Variants in DENND4C observed in about 807,000 individuals in gnomAD.
DENND4C encodes DENN domain-containing protein 4C.
Under a neutral mutation model 203.0 loss-of-function variants are expected in DENND4C, and 108 were observed. That is an observed-to-expected ratio of 0.53 (90% CI 0.46 to 0.62). The LOEUF (loss-of-function observed/expected upper bound fraction) is 0.62, where lower values mean the gene tolerates loss of function less well. Among genes scored for constraint, DENND4C ranks in the 20% least tolerant of loss-of-function variants. The probability of loss-of-function intolerance (pLI) is 0.00; values close to 1 mark genes in which losing one functional copy is unlikely to be tolerated. For synonymous variants in DENND4C, 871 were observed against 792.4 expected (o/e 1.10, Z -1.67); for missense variants, 2,481 against 2,301.2 (o/e 1.08, Z -1.60).
At chr9:19,319,787 G>A (rs1842579317) in intron 12 of DENND4C, among the ~76,000 whole-genome samples, 1 of 152,150 alleles carries the variant, frequency 6.6e-6, no homozygotes, top group African/African-American at 2.4e-5. Context: ...TAATAAGTGT[G>A]TTTCGAAGGA....
In DENND4C at chr9:19,355,071, G is replaced by A. The variant is rs370493186; in HGVS notation, c.4782-1901G>A. Among the ~76,000 whole-genome samples, 30 of 151,272 alleles carry A rather than the reference G, an allele frequency of 2.0e-4. 2 individuals carry two copies. Among genetic ancestry groups the A allele is most frequent in the Admixed American group, 7.9e-4 (12 of 15,176 alleles). ...ACTACAGGCACCCACCACCACGCCC[G>A]GCTAATTTTTTTGTATTTTTGGTAG... On this transcript the variant is annotated intron_variant, in intron 26 of 32. Transcript: ENST00000434457.
intron 6 of DENND4C, 81 bp downstream of exon 6, chr9:19,296,327 C>A (rs1588866108): frequency 2.0e-4 from 181 of 899,308 alleles, no homozygotes; most frequent in South Asian, 6.6e-4. Flanking sequence ...TTTTTAGCAG[C>A]AAAGTTGGAA....
At chr9:19,248,877 A>T (rs1280887746) in intron 1 of DENND4C, among the ~76,000 whole-genome samples, 1 of 151,228 alleles carries the variant, frequency 6.6e-6, no homozygotes. Flanking sequence ...AGCTCACTGC[A>T]GCCTCCGCCT....
chr9:19,241,410 G>A lies in DENND4C; in HGVS notation c.-18+10577G>A, dbSNP rs962794476. 2.2e-4 allele frequency among the ~76,000 whole-genome samples: 33 copies of A among 151,248 alleles called. 1 individual carries two copies. The highest frequency in any genetic ancestry group is 2.2e-4 in the Non-Finnish European group (15 of 67,914). Reference sequence around the variant, plus strand: ...ATTTTTTTTTTAGAGATAGAGTCTCGCTATGTTGCTTAGGCTGGCCTCCAA... The same window carrying A: ...ATTTTTTTTTTAGAGATAGAGTCTCACTATGTTGCTTAGGCTGGCCTCCAA... On this transcript the variant is annotated intron_variant, in intron 1 of 32. Coordinates refer to ENST00000434457, the MANE Select transcript of DENND4C (RefSeq NM_001330640.2).
intron 6 of DENND4C, among the ~76,000 whole-genome samples, chr9:19,297,262 G>A (rs1344495952): frequency 1.3e-5 from 2 of 152,150 alleles, no homozygotes; most frequent in Admixed American, 6.5e-5. Context: ...TAAGGTAGGG[G>A]TAATTATGTG....
In DENND4C at chr9:19,230,705, G is replaced by A. The variant is rs1015394704; in HGVS notation, c.-146G>A. 20 of 152,176 alleles carry A rather than the reference G, an allele frequency of 1.3e-4. No individual in the cohort carries two copies. Among genetic ancestry groups the A allele is most frequent in the Non-Finnish European group, 2.9e-4 (20 of 68,080 alleles). 9.4% of individuals were successfully genotyped at this position (152,176 alleles called of 1,614,324 possible). A position where few individuals can be genotyped will look rare whatever the true frequency, so the allele number is the denominator to read the frequency against. ...GCGGCGCAGGCGCAGACCGGACTGA[G>A]GCGGCGGCGGCCGCTGGAGCTAGTC... On this transcript the variant is annotated 5_prime_UTR_variant, in exon 1 of 33. Coordinates refer to ENST00000434457, the MANE Select transcript of DENND4C (RefSeq NM_001330640.2).
chr9:19,257,117 A>G (rs1258272687), intron 1 of DENND4C, among the ~76,000 whole-genome samples: 2 of 152,006 alleles, frequency 1.3e-5, no homozygotes, highest in African/African-American at 4.8e-5. Flanking sequence ...GTTTCAGAAA[A>G]CAGAGTGAAG....
rs756424305 is a variant in DENND4C, at chr9:19,296,237, C to G, written c.1031C>G (p.Pro344Arg). The change falls in exon 6 of 33, where the codon CCC (proline) becomes CGC (arginine). Residue 344 changes from proline to arginine, a missense_variant. Coordinates refer to ENST00000434457, the MANE Select transcript of DENND4C (RefSeq NM_001330640.2). Reference sequence around the variant, plus strand: ...TCTGTGTCTGGACCACATCCTCTTCCCATTGAAAAGTATGTATAATGATTA... The same window carrying G: ...TCTGTGTCTGGACCACATCCTCTTCGCATTGAAAAGTATGTATAATGATTA... ...KLSVSGPHPL[P>R]IEKHISHFMQ... 1.2e-5 allele frequency: 19 copies of G among 1,599,238 alleles called. No homozygotes were observed. The highest frequency in any genetic ancestry group is 5.0e-5 in the Admixed American group (3 of 59,740).
rs573228340 is a variant in DENND4C at position 19,369,999 on chromosome 9, G to A, written c.5675+12G>A. On this transcript the variant is annotated intron_variant, in intron 31 of 32. Transcript: ENST00000434457. The stretch of plus-strand genomic sequence containing the variant: ...ATGAAAAGACAAAGGTAATAATCCA[G>A]TATTTTTTGCTTGCCACCACTCAGT... 1 of 1,611,640 alleles carries A rather than the reference G, an allele frequency of 6.2e-7. No homozygotes were observed. The highest frequency in any genetic ancestry group is 8.5e-7 in the Non-Finnish European group (1 of 1,179,172).
intron 1 of DENND4C, among the ~76,000 whole-genome samples, chr9:19,272,404 G>A (rs546242782): frequency 5.1e-4 from 77 of 150,430 alleles, no homozygotes; most frequent in African/African-American, 1.8e-3. Context: ...TGGGCAACAA[G>A]AACGAAACTC....
At position 19,373,636 on chromosome 9, in the gene DENND4C, A is replaced by G. The variant is rs1044450917; in HGVS notation, c.*1463A>G. ...AGGTTTAAGAAAATCATGATCTCAC[A>G]TGCCTCACTTTGACATTTATCATGC... On this transcript the variant is annotated 3_prime_UTR_variant, in exon 33 of 33. Transcript: ENST00000434457. 10 of 152,640 alleles carry G rather than the reference A, an allele frequency of 6.6e-5. No homozygotes were observed. Among genetic ancestry groups the G allele is most frequent in the Admixed American group, 1.3e-4 (2 of 15,276 alleles). 9.5% of individuals were successfully genotyped at this position (152,640 alleles called of 1,614,324 possible). A position where few individuals can be genotyped will look rare whatever the true frequency, so the allele number is the denominator to read the frequency against.
intron 1 of DENND4C, among the ~76,000 whole-genome samples, chr9:19,254,267 T>C (rs539585023): frequency 6.6e-6 from 1 of 152,174 alleles, no homozygotes; most frequent in Non-Finnish European, 1.5e-5. Flanking sequence ...ATCAGTAGAT[T>C]GAAGAGATAT....
rs144291586 is a variant in DENND4C, at chr9:19,336,370, C to G, written c.2690C>G (p.Pro897Arg). The G allele has an allele frequency of 4.3e-6, 7 of 1,613,682 alleles. No homozygotes were observed. Among genetic ancestry groups the G allele is most frequent in the Non-Finnish European group, 5.9e-6 (7 of 1,179,922 alleles). ...VVRGLAQFRQ[P>R]LKKTVQRSQV... is the part of the protein sequence containing the mutation. The stretch of plus-strand genomic sequence containing the variant: ...CGTGGCTTGGCACAGTTTAGGCAGC[C>G]GCTTAAAAAGACTGTGCAAAGGTCA... Residue 897 changes from proline to arginine, a missense_variant, in exon 19 of 33, where the codon CCG becomes CGG. Physicochemically the swap from Pro to Arg is moderately radical, Grantham distance 103 (BLOSUM62 -2). Around this residue, in one of 3 missense-constraint regions of DENND4C, gnomAD observed 2,289 missense variants for 2,113.3 expected, o/e 1.08. Transcript: ENST00000434457.
At chr9:19,321,692 A>G (rs573100264) in intron 12 of DENND4C, among the ~76,000 whole-genome samples, 67 of 151,976 alleles carry the variant, frequency 4.4e-4, no homozygotes, top group African/African-American at 1.4e-3. Context: ...TAAAAATACA[A>G]AAATTAGCGC....
Position 19,346,071 on chromosome 9 carries a change from G to C in DENND4C, c.3302G>C (p.Arg1101Pro). The change falls in exon 23 of 33, where the codon CGA becomes CCA. Residue 1101 changes from arginine to proline, a missense_variant. Arg to Pro is a moderately radical substitution (Grantham distance 103). Transcript: ENST00000434457. ...AGTTGTAGTTTTAGTTCTGAAAGTCGAGCAGGAATGTTGCTTAAGAAGAGT... is the reference window on the plus strand; with the variant it reads ...AGTTGTAGTTTTAGTTCTGAAAGTCCAGCAGGAATGTTGCTTAAGAAGAGT... ...ERSCSFSSESRAGMLLKKSSL... is the reference protein window; with the variant it reads ...ERSCSFSSESPAGMLLKKSSL... 1 of 1,614,138 alleles carries C rather than the reference G, an allele frequency of 6.2e-7. No homozygotes were observed. Among genetic ancestry groups the C allele is most frequent in the Non-Finnish European group, 8.5e-7 (1 of 1,180,026 alleles).
At chr9:19,334,946 A>C (rs1252381419) in intron 17 of DENND4C, 31 bp from the exon 18 acceptor site, 1 of 1,570,262 alleles carries the variant, frequency 6.4e-7, no homozygotes, top group Admixed American at 1.9e-5. Flanking sequence ...TAGTATACTA[A>C]TTACTGACAC....
chr9:19,342,546 A>G, intron 21 of DENND4C, 87 bp from the exon 22 acceptor site: 1 of 1,366,360 alleles, frequency 7.3e-7, no homozygotes, highest in Non-Finnish European at 9.7e-7. Context: ...TTGGAGAAAA[A>G]TACATACAAT....
intron 16 of DENND4C, among the ~76,000 whole-genome samples, chr9:19,331,525 C>CT (rs1475647332): frequency 6.6e-6 from 1 of 152,014 alleles, no homozygotes; most frequent in Non-Finnish European, 1.5e-5. Context: ...TTTAAGGAGT[C>CT]TGTCAGTGAG....
intron 12 of DENND4C, among the ~76,000 whole-genome samples, chr9:19,319,055 G>C (rs1842320232): frequency 6.6e-6 from 1 of 151,646 alleles, no homozygotes; most frequent in Non-Finnish European, 1.5e-5. Flanking sequence ...TGTAATCCCA[G>C]CTACTCAGGA....
Sources: allele counts gnomAD v4.1 joint callset (sites outside exome capture counted in the v4.1 genomes callset), GRCh38; gene constraint gnomAD v4.1.1; regional missense constraint gnomAD v4.1.1; transcripts MANE v1.5; gene names NCBI Gene and HGNC (gene_info 2026-07-23, HGNC 2026-07-21).